The following MYO18B variants were observed in gnomAD, a reference collection of about 807,000 sequenced individuals.
MYO18B encodes unconventional myosin-XVIIIb.
A neutral mutation model predicts 273.0 loss-of-function variants in MYO18B; 204 were observed. That is an observed-to-expected ratio of 0.75 (90% CI 0.67 to 0.84). The LOEUF is 0.84. MYO18B is among the 40% of genes least tolerant of loss of function. The pLI, the probability that MYO18B is intolerant of heterozygous loss-of-function variation, is 0.00. For synonymous variants in MYO18B, 1,330 were observed against 1,305.7 expected, an observed-to-expected ratio of 1.02 and a Z score of -0.40; for missense variants, 3,212 against 3,287.6, an observed-to-expected ratio of 0.98 and a Z score of 0.56.
intron 1 of MYO18B, 79 bp from the exon 2 acceptor site, chr22:25,760,905 T>TG (rs2086290779): frequency 1.6e-6 from 1 of 643,830 alleles, no homozygotes; most frequent in South Asian, 1.8e-5. Context: ...TTTATGGCGT[T>TG]GGTGGGGGTG....
intron 10 of MYO18B, among the ~76,000 whole-genome samples, chr22:25,783,933 C>T (rs2087268129): frequency 6.6e-6 from 1 of 152,208 alleles, no homozygotes. Context: ...CTGCTGCTGC[C>T]AACTTGGTCC....
rs750246294 is a variant in MYO18B, at chr22:25,768,444, C to T, written c.528C>T (p.Pro176=). 8.9e-6 allele frequency: 12 copies of T among 1,344,860 alleles called. No homozygotes were observed. In the South Asian group the frequency reaches 1.3e-4, roughly 14 times the overall value. 83.3% of individuals were successfully genotyped at this position (1,344,860 alleles called of 1,614,324 possible). A position where few individuals can be genotyped will look rare whatever the true frequency, so the allele number is the denominator to read the frequency against. ...AGAAGACTCATCCCCATGACGCCCC[C>T]CCTTGCAAGACCTCTCCCCCCGCCA... The part of the protein sequence containing the change: ...KPEKTHPHDA[P]PCKTSPPATD... The change falls in exon 4 of 44, where the codon CCC becomes CCT. Residue 176 remains proline (P), a synonymous_variant. Coordinates refer to ENST00000335473, the MANE Select transcript of MYO18B (RefSeq NM_032608.7).
At chr22:25,947,887 A>G in intron 36 of MYO18B, 59 bp downstream of exon 36, 6 of 1,302,346 alleles carry the variant, frequency 4.6e-6, no homozygotes, top group Non-Finnish European at 6.6e-6. Flanking sequence ...TGAATGGGGA[A>G]TGTTGAGAAG....
At chr22:25,917,548 GTGTGTGT>G (rs2092280285) in intron 33 of MYO18B, among the ~76,000 whole-genome samples, 1 of 144,826 alleles carries the variant, frequency 6.9e-6, no homozygotes, top group Admixed American at 6.8e-5. Context: ...TTGTAGGGGT[GTGTGTGT>G]GTGTGTGTGT....
the MYO18B span, among the ~76,000 whole-genome samples, chr22:26,040,458 A>G: frequency 1.3e-5 from 2 of 152,228 alleles, no homozygotes; most frequent in African/African-American, 4.8e-5. Flanking sequence ...TGCAATTTAC[A>G]TGATAGTTGG....
intron 39 of MYO18B, among the ~76,000 whole-genome samples, chr22:25,971,253 A>G (rs934666057): frequency 6.6e-6 from 1 of 152,232 alleles, no homozygotes; most frequent in Non-Finnish European, 1.5e-5. Context: ...CTCTTGCTCT[A>G]TGCTCTGTTG....
At chr22:26,024,044 A>G (rs958814356) in intron 42 of MYO18B, among the ~76,000 whole-genome samples, 5 of 152,076 alleles carry the variant, frequency 3.3e-5, no homozygotes, top group African/African-American at 9.7e-5. Flanking sequence ...ATAGGAACCA[A>G]CCTTTCTTCT....
chr22:25,898,482 T>C (rs760887444), intron 29 of MYO18B, 21 bp downstream of exon 29: 1 of 1,610,536 alleles, frequency 6.2e-7, no homozygotes, highest in East Asian at 2.2e-5. Flanking sequence ...TCTCTCACCA[T>C]CACCTGGGCT....
intron 11 of MYO18B, among the ~76,000 whole-genome samples, chr22:25,792,497 CTTTTTTTTTT>C (rs58679561): frequency 9.3e-6 from 1 of 107,956 alleles, no homozygotes. Flanking sequence ...TTTTTCTTTT[CTTTTTTTTTT>C]TTTTTTGAGA....
chr22:25,809,951 G>A (rs1209594182), intron 12 of MYO18B, among the ~76,000 whole-genome samples: 6 of 150,252 alleles, frequency 4.0e-5, no homozygotes, highest in Non-Finnish European at 7.4e-5. Flanking sequence ...ATACGTCAAT[G>A]TTGTATGTCT....
intron 21 of MYO18B, among the ~76,000 whole-genome samples, chr22:25,859,398 A>G (rs990597880): frequency 2.0e-5 from 3 of 152,144 alleles, no homozygotes. Flanking sequence ...GAGAATTGCT[A>G]GTTTATATGG....
intron 12 of MYO18B, 109 bp from the exon 13 acceptor site, chr22:25,823,396 C>A (rs2089358042): frequency 2.4e-6 from 3 of 1,231,242 alleles, no homozygotes; most frequent in Admixed American, 2.6e-5. Flanking sequence ...GCTGAGGAGG[C>A]TGGCCTGGAG....
intron 40 of MYO18B, among the ~76,000 whole-genome samples, chr22:26,000,006 G>A (rs891589484): frequency 6.6e-6 from 1 of 152,180 alleles, no homozygotes; most frequent in African/African-American, 2.4e-5. Flanking sequence ...ACCACTGACC[G>A]CATGTCAGGA....
chr22:25,749,167 A>G (rs1291307529), intron 1 of MYO18B, among the ~76,000 whole-genome samples: 1 of 152,080 alleles, frequency 6.6e-6, no homozygotes, highest in Non-Finnish European at 1.5e-5. Context: ...TTCCCTACTG[A>G]CTGTATCAGT....
intron 12 of MYO18B, among the ~76,000 whole-genome samples, chr22:25,816,044 G>A (rs1396319218): frequency 6.6e-6 from 1 of 152,220 alleles, no homozygotes; most frequent in Non-Finnish European, 1.5e-5. Flanking sequence ...GGTTTGTGGG[G>A]CTGCATGGCA....
intron 40 of MYO18B, among the ~76,000 whole-genome samples, chr22:25,996,187 A>C (rs1189235228): frequency 6.6e-6 from 1 of 152,204 alleles, no homozygotes; most frequent in Non-Finnish European, 1.5e-5. Context: ...CGTCTCTTTG[A>C]GTCTAAGATG....
chr22:25,787,326 T>C (rs1398953934), intron 11 of MYO18B, among the ~76,000 whole-genome samples: 1 of 146,948 alleles, frequency 6.8e-6, no homozygotes, highest in Non-Finnish European at 1.5e-5. Context: ...TCTTACACAG[T>C]GCTGAGTATT....
intron 32 of MYO18B, among the ~76,000 whole-genome samples, chr22:25,908,705 A>T (rs545285819): frequency 6.6e-6 from 1 of 152,330 alleles, no homozygotes; most frequent in Admixed American, 6.5e-5. Context: ...CATGTGACTG[A>T]TGCCAAGGAC....
chr22:25,757,389 A>G (rs958098671), intron 1 of MYO18B, among the ~76,000 whole-genome samples: 1 of 152,078 alleles, frequency 6.6e-6, no homozygotes, highest in Non-Finnish European at 1.5e-5. Context: ...CAAGGTCAGG[A>G]GTTCGAGACT....
Sources: gnomAD v4.1 joint callset for allele counts (sites outside exome capture counted in the v4.1 genomes callset) on GRCh38, gnomAD v4.1.1 for gene constraint, MANE v1.5 for transcripts, NCBI Gene and HGNC (gene_info 2026-07-23, HGNC 2026-07-21) for gene names.